CSF1R: variants seen among roughly 807,000 people sequenced by gnomAD.
CSF1R encodes colony stimulating factor 1 receptor, also known as macrophage colony-stimulating factor 1 receptor.
A neutral mutation model predicts 110.0 loss-of-function variants in CSF1R; 40 were observed. The observed-to-expected ratio is 0.36, with a 90% CI of 0.28 to 0.47. The LOEUF (loss-of-function observed/expected upper bound fraction) is 0.47. Among genes scored for constraint, CSF1R ranks in the 20% least tolerant of loss-of-function variants. CSF1R has a pLI of 0.99. For synonymous variants in CSF1R, 523 were observed against 503.4 expected, an observed-to-expected ratio of 1.04 and a Z score of -0.52; for missense variants, 1,052 against 1,253.0, an observed-to-expected ratio of 0.84 and a Z score of 2.42.
upstream of CSF1R, among the ~76,000 whole-genome samples, chr5:150,090,700 A>C (rs544706918): frequency 3.0e-4 from 45 of 152,356 alleles, no homozygotes; most frequent in African/African-American, 1.1e-3. Flanking sequence ...ACAACAACAA[A>C]AAAACAATTA....
At chr5:150,104,380 A>G (rs1415301973) in intron 1 of CSF1R, among the ~76,000 whole-genome samples, 1 of 152,162 alleles carries the variant, frequency 6.6e-6, no homozygotes, top group Non-Finnish European at 1.5e-5. Flanking sequence ...ATTTCTATCC[A>G]TCCAGCTAAT....
intron 1 of CSF1R, among the ~76,000 whole-genome samples, chr5:150,112,438 C>T (rs1041874133): frequency 6.6e-6 from 1 of 152,296 alleles, no homozygotes; most frequent in East Asian, 1.9e-4. Flanking sequence ...CATCTAGCTC[C>T]ATTTATCCCT....
intron 1 of CSF1R, chr5:150,094,570 C>T: frequency 3.8e-6 from 6 of 1,581,954 alleles, no homozygotes; most frequent in South Asian, 2.2e-5. Context: ...CCCAAATTGG[C>T]GTTTGTCATC....
intron 15 of CSF1R, 32 bp downstream of exon 15, chr5:150,057,472 G>C: frequency 6.2e-7 from 1 of 1,611,874 alleles, no homozygotes; most frequent in Non-Finnish European, 8.5e-7. Flanking sequence ...TTGTTATCAA[G>C]CAAATGGGGC....
intron 12 of CSF1R, among the ~76,000 whole-genome samples, chr5:150,061,252 G>C (rs1757505209): frequency 1.3e-5 from 2 of 152,172 alleles, no homozygotes; most frequent in Admixed American, 6.5e-5. Flanking sequence ...TGCACCCCCA[G>C]ACTTTTTGGA....
chr5:150,087,989 G>C (rs140123636), upstream of CSF1R, among the ~76,000 whole-genome samples: 3,646 of 152,154 alleles, frequency 0.024, 52 homozygotes, highest in South Asian at 0.057. Context: ...GCATACCTTG[G>C]CTTCCCAAAG....
intron 5 of CSF1R, among the ~76,000 whole-genome samples, chr5:150,074,831 C>T (rs1304638396): frequency 6.9e-6 from 1 of 145,890 alleles, no homozygotes; most frequent in East Asian, 2.2e-4. Context: ...GCCACCTCCC[C>T]TCTTCCTTCC....
chr5:150,090,298 T>A (rs1459836890), upstream of CSF1R, among the ~76,000 whole-genome samples: 1 of 152,210 alleles, frequency 6.6e-6, no homozygotes, highest in Non-Finnish European at 1.5e-5. Context: ...AAAGTTGTAG[T>A]GTTTCCTCAG....
At chr5:150,083,625 C>G (rs1364638751) in intron 1 of CSF1R, among the ~76,000 whole-genome samples, 1 of 152,062 alleles carries the variant, frequency 6.6e-6, no homozygotes, top group Non-Finnish European at 1.5e-5. Context: ...ATCTGGCCCC[C>G]CTCCCACACA....
chr5:150,065,265 C>A (rs1757710714), intron 10 of CSF1R, among the ~76,000 whole-genome samples: 1 of 151,984 alleles, frequency 6.6e-6, no homozygotes, highest in South Asian at 2.1e-4. Flanking sequence ...GAGATCTGAA[C>A]AATTCCCAGT....
upstream of CSF1R, among the ~76,000 whole-genome samples, chr5:150,090,895 A>T (rs1033637498): frequency 2.0e-5 from 3 of 152,218 alleles, no homozygotes; most frequent in Admixed American, 6.5e-5. Context: ...GTATTTGGGT[A>T]CTGGGTACAC....
At chr5:150,087,786 T>C (rs1263522793), upstream of CSF1R, among the ~76,000 whole-genome samples, 2 of 151,778 alleles carry the variant, frequency 1.3e-5, no homozygotes, top group African/African-American at 4.8e-5. Flanking sequence ...CAGGCTGGAG[T>C]GCAGTAGTGT....
upstream of CSF1R, among the ~76,000 whole-genome samples, chr5:150,090,303 C>G (rs1171994708): frequency 6.6e-6 from 1 of 152,136 alleles, no homozygotes; most frequent in East Asian, 1.9e-4. Flanking sequence ...TGTAGTGTTT[C>G]CTCAGCAAAA....
Position 150,078,259 on chromosome 5 carries a change from G to T in CSF1R, c.593-11C>A. 1 of 1,613,848 alleles carries T rather than the reference G, an allele frequency of 6.2e-7. No homozygotes were observed. The highest frequency in any genetic ancestry group is 1.7e-5 in the Admixed American group (1 of 59,982). On this transcript the variant is annotated splice_polypyrimidine_tract_variant and intron_variant, in intron 3 of 20. Transcript: ENST00000675795. ...GGGGCCCTGGGATGACTGAGACCGG[G>T]GGAGAGACCCCTGAACACCCAGGCT...
chr5:150,096,315 G>A (rs992427856), intron 1 of CSF1R, among the ~76,000 whole-genome samples: 6 of 152,126 alleles, frequency 3.9e-5, no homozygotes, highest in South Asian at 4.1e-4. Context: ...GCTTGAACCC[G>A]GGAGGCAGAG....
chr5:150,080,371 C>G, intron 2 of CSF1R, 35 bp from the exon 3 acceptor site: 3 of 1,597,022 alleles, frequency 1.9e-6, no homozygotes, highest in Non-Finnish European at 2.6e-6. Flanking sequence ...TACAACTGCC[C>G]TCCCTCCACT....
intron 1 of CSF1R, among the ~76,000 whole-genome samples, chr5:150,095,780 C>T: frequency 1.3e-5 from 1 of 74,074 alleles, no homozygotes; most frequent in Non-Finnish European, 3.0e-5. Flanking sequence ...AAAAAAAAAA[C>T]AAGAAAAACA....
chr5:150,102,085 C>G (rs1321200364), intron 1 of CSF1R, among the ~76,000 whole-genome samples: 2 of 152,170 alleles, frequency 1.3e-5, no homozygotes, highest in Non-Finnish European at 2.9e-5. Context: ...GCAAACAATG[C>G]TCAGTGGACA....
At chr5:150,073,199 G>T in intron 6 of CSF1R, 102 bp downstream of exon 6, 2 of 1,190,450 alleles carry the variant, frequency 1.7e-6, no homozygotes, top group South Asian at 1.5e-5. Flanking sequence ...CTTGCTCAAG[G>T]TCATACACCA....
Sources: gnomAD v4.1 joint callset for allele counts (sites outside exome capture counted in the v4.1 genomes callset) on GRCh38, gnomAD v4.1.1 for gene constraint, MANE v1.5 for transcripts, NCBI Gene and HGNC (gene_info 2026-07-23, HGNC 2026-07-21) for gene names.